Variants in ZNF790 observed in about 807,000 individuals in gnomAD.
ZNF790 encodes zinc finger protein 790.
ZNF790 carries 8 observed loss-of-function variants against 12.1 expected under a neutral mutation model. The ratio of observed to expected loss-of-function variants is 0.66; its 90% CI spans 0.39 to 1.19. The LOEUF (loss-of-function observed/expected upper bound fraction) is 1.19, where lower values mean the gene tolerates loss of function less well. Ranked by LOEUF, ZNF790 falls within the 50% of genes most tolerant of loss-of-function variation. ZNF790 has a pLI of 0.01. For synonymous variants in ZNF790, 252 were observed against 244.3 expected (o/e 1.03, Z -0.29); for missense variants, 707 against 752.2 (o/e 0.94, Z 0.70).
chr19:36,839,231 T>TCC (rs2072106914), upstream of ZNF790, among the ~76,000 whole-genome samples: 1 of 152,260 alleles, frequency 6.6e-6, no homozygotes, highest in African/African-American at 2.4e-5. Context: ...AGTAATTTTT[T>TCC]TCAGTACTTT....
chr19:36,826,444 A>G (rs950429103), intron 1 of ZNF790, among the ~76,000 whole-genome samples: 2 of 151,680 alleles, frequency 1.3e-5, no homozygotes, highest in African/African-American at 2.4e-5. Context: ...TTAGCCAGGC[A>G]TGGTGGCGCA....
chr19:36,835,162 G>A (rs1008362958), intron 1 of ZNF790, among the ~76,000 whole-genome samples: 8 of 152,146 alleles, frequency 5.3e-5, no homozygotes, highest in Non-Finnish European at 1.0e-4. Context: ...GTTGGCGCAT[G>A]CCTGTAGTCC....
chr19:36,823,268 G>T lies in ZNF790; in HGVS notation c.229+17C>A, dbSNP rs747336281. 3 of 1,606,964 alleles carry T rather than the reference G, an allele frequency of 1.9e-6. No homozygotes were observed. Among genetic ancestry groups the T allele is most frequent in the Non-Finnish European group, 2.6e-6 (3 of 1,173,850 alleles). ...CCACAACAATGGCCTCCTTGTGCGT[G>T]TTCAGCCCTCACTCACCTGGGCAAG... is the stretch of plus-strand genomic sequence containing the variant. On this transcript the variant is annotated intron_variant, in intron 4 of 4. Transcript: ENST00000356725.
intron 4 of ZNF790, 84 bp from the exon 5 acceptor site, chr19:36,820,198 A>G: frequency 1.4e-6 from 2 of 1,418,420 alleles, no homozygotes; most frequent in Non-Finnish European, 1.9e-6. Flanking sequence ...GAAAATCTTG[A>G]AGTAAAGCAT....
At position 36,818,688 on chromosome 19, in the gene ZNF790, A is replaced by C; in HGVS notation, c.1656T>G (p.His552Gln). The change falls in exon 5 of 5, where the codon CAT becomes CAG. Residue 552 changes from histidine (H) to glutamine (Q), a missense_variant. Physicochemically the swap from His to Gln is conservative, Grantham distance 24. Transcript: ENST00000356725. Reference protein sequence around the residue: ...SFIWGSQLTRHKKIHTDAEPY... With the variant: ...SFIWGSQLTRQKKIHTDAEPY... ...GTTCTGCATCAGTATGAATTTTCTT[A>C]TGTCGTGTAAGCTGTGAACCCCAGA... 6.2e-7 allele frequency: 1 copy of C among 1,613,680 alleles called. No individual in the cohort carries two copies. Among genetic ancestry groups the C allele is most frequent in the Non-Finnish European group, 8.5e-7 (1 of 1,179,892 alleles).
upstream of ZNF790, among the ~76,000 whole-genome samples, chr19:36,843,002 C>CAAAAAAAAAAAAAAAAA (rs59705640): frequency 1.5e-5 from 1 of 65,538 alleles, no homozygotes. Context: ...GACTCCATCT[C>CAAAAAAAAAAAAAAAAA]AAAAAAAAAA....
chr19:36,848,540 C>T (rs2072201947), intron 1 of ZNF790, among the ~76,000 whole-genome samples: 1 of 152,150 alleles, frequency 6.6e-6, no homozygotes, highest in Non-Finnish European at 1.5e-5. Flanking sequence ...TGGAGCTGTA[C>T]AGGAATGTGA....
intron 1 of ZNF790, among the ~76,000 whole-genome samples, chr19:36,835,723 C>T (rs1258336813): frequency 6.6e-6 from 1 of 151,742 alleles, no homozygotes; most frequent in African/African-American, 2.4e-5. Flanking sequence ...CTGGAAGCTC[C>T]AGGGGAGAAT....
At chr19:36,820,894 T>TG (rs1490290837) in intron 4 of ZNF790, among the ~76,000 whole-genome samples, 1 of 138,452 alleles carries the variant, frequency 7.2e-6, no homozygotes, top group Non-Finnish European at 1.5e-5. Context: ...GACCCTGTCT[T>TG]TTTTTTTTTT....
intron 1 of ZNF790, among the ~76,000 whole-genome samples, chr19:36,833,822 T>G (rs2071988310): frequency 6.6e-6 from 1 of 152,108 alleles, no homozygotes; most frequent in South Asian, 2.1e-4. Context: ...TAAATATAGA[T>G]GAAAATACAG....
intron 1 of ZNF790, among the ~76,000 whole-genome samples, chr19:36,845,816 G>T (rs565398018): frequency 2.0e-5 from 3 of 151,274 alleles, no homozygotes; most frequent in Admixed American, 6.6e-5. Context: ...TTTTTTGAGG[G>T]GGGTGGTGGG....
Position 36,838,102 on chromosome 19 carries a change from G to GCGCA in ZNF790, c.-74+234_-74+235insTGCG, listed in dbSNP as rs1555717229. ...GCGCCTGTCAACGTCGTGTGCGCGT[G>GCGCA]CGCGCACACACACACACACACACAC... On this transcript the variant is annotated intron_variant, in intron 1 of 4. Coordinates refer to ENST00000356725, the MANE Select transcript of ZNF790 (RefSeq NM_206894.4). The surrounding 1 kb of genome is among the most constrained non-coding windows in gnomAD (Gnocchi z 4.4). 1 of 24,766 alleles carries GCGCA rather than the reference G, an allele frequency of 4.0e-5. No individual in the cohort carries two copies. The highest frequency in any genetic ancestry group is 3.2e-4 in the African/African-American group (1 of 3,154). The allele number at this position is 24,766 out of a possible 1,614,324, so 1.5% of individuals were successfully genotyped here. A position where few individuals can be genotyped will look rare whatever the true frequency, so the allele number is the denominator to read the frequency against.
Position 36,818,388 on chromosome 19 carries a change from TA to T in ZNF790, c.*44del. ...AGAGAAAAAAATAAATGACATCAATTAATGAGTCATGAATAAAGCCCTTCCT... is the reference window on the plus strand; with the variant it reads ...AGAGAAAAAAATAAATGACATCAATTATGAGTCATGAATAAAGCCCTTCCT... On this transcript the variant is annotated 3_prime_UTR_variant, in exon 5 of 5. Transcript: ENST00000356725. The T allele has an allele frequency of 6.8e-7, 1 of 1,463,118 alleles. No individual in the cohort carries two copies. The highest frequency in any genetic ancestry group is 1.4e-5 in the African/African-American group (1 of 71,240). 90.6% of individuals were successfully genotyped at this position (1,463,118 alleles called of 1,614,324 possible).
At chr19:36,823,091 C>T (rs901935737) in intron 4 of ZNF790, among the ~76,000 whole-genome samples, 194 bp downstream of exon 4, 69 of 152,030 alleles carry the variant, frequency 4.5e-4, no homozygotes, top group Admixed American at 4.5e-3. Flanking sequence ...GTTGCCCAGG[C>T]TGGTCTTAAA....
rs953562825 is a variant in ZNF790, at chr19:36,824,013, T to TTTTTTTTG, written c.10-224_10-223insCAAAAAAA. Reference sequence around the variant, plus strand: ...TGCTCTTTTTTTTTTTTTTTTTTTTTGAGACAAGAGTCTCGCTCTGTCGCC... The same window carrying TTTTTTTTG: ...TGCTCTTTTTTTTTTTTTTTTTTTTTTTTTTTTGGAGACAAGAGTCTCGCTCTGTCGCC... On this transcript the variant is annotated intron_variant, in intron 2 of 4. Transcript: ENST00000356725. Among the ~76,000 whole-genome samples the TTTTTTTTG allele has an allele frequency of 3.3e-4, 49 of 146,620 alleles. 3 individuals are homozygous for TTTTTTTTG. The highest frequency in any genetic ancestry group is 1.1e-3 in the African/African-American group (43 of 38,942).
chr19:36,835,514 G>A (rs1452946392), intron 1 of ZNF790, among the ~76,000 whole-genome samples: 1 of 152,132 alleles, frequency 6.6e-6, no homozygotes, highest in Non-Finnish European at 1.5e-5. Context: ...AATCAACAGA[G>A]GTTGAGGTCC....
At chr19:36,827,100 GTGTATA>G (rs1257723368) in intron 1 of ZNF790, among the ~76,000 whole-genome samples, 20 of 120,346 alleles carry the variant, frequency 1.7e-4, no homozygotes, top group African/African-American at 5.6e-4. Flanking sequence ...ATGTGTGTGT[GTGTATA>G]TATATACACA....
chr19:36,846,828 G>A (rs1359368611), intron 1 of ZNF790, among the ~76,000 whole-genome samples: 1 of 152,038 alleles, frequency 6.6e-6, no homozygotes, highest in Non-Finnish European at 1.5e-5. Context: ...GGCATTTGGG[G>A]ACCTTACCAA....
chr19:36,818,709 C>A lies in ZNF790; in HGVS notation c.1635G>T (p.Trp545Cys). The change falls in exon 5 of 5, where the codon TGG (tryptophan) becomes TGT (cysteine). Residue 545 changes from tryptophan (W) to cysteine (C), a missense_variant. Trp to Cys is a radical substitution (Grantham distance 215, BLOSUM62 -2). Coordinates refer to ENST00000356725, the MANE Select transcript of ZNF790 (RefSeq NM_206894.4). Reference sequence around the variant, plus strand: ...TCTTATGTCGTGTAAGCTGTGAACCCCAGATAAAAGATTTCCCACATTCTT... The same window carrying A: ...TCTTATGTCGTGTAAGCTGTGAACCACAGATAAAAGATTTCCCACATTCTT... ...VCKECGKSFI[W>C]GSQLTRHKKI... 1 of 1,613,448 alleles carries A rather than the reference C, an allele frequency of 6.2e-7. No homozygotes were observed. Among genetic ancestry groups the A allele is most frequent in the Non-Finnish European group, 8.5e-7 (1 of 1,179,812 alleles).
Sources: allele counts gnomAD v4.1 joint callset (sites outside exome capture counted in the v4.1 genomes callset), GRCh38; gene constraint gnomAD v4.1.1; non-coding constraint Gnocchi (gnomAD v3.1); transcripts MANE v1.5; gene names NCBI Gene and HGNC (gene_info 2026-07-23, HGNC 2026-07-21).